ARHGAP24: variants seen among roughly 807,000 people sequenced by gnomAD.
ARHGAP24 encodes rho GTPase-activating protein 24.
Under a neutral mutation model 76.4 loss-of-function variants are expected in ARHGAP24, and 50 were observed. The observed-to-expected ratio is 0.65, with a 90% CI of 0.52 to 0.83. The LOEUF (loss-of-function observed/expected upper bound fraction) is 0.83, where lower values mean the gene tolerates loss of function less well. ARHGAP24 is among the 40% of genes least tolerant of loss of function. The pLI is 0.00. For missense variants in ARHGAP24, 930 were observed against 914.2 expected, an observed-to-expected ratio of 1.02 and a Z score of -0.22; for synonymous variants, 345 against 323.3, an observed-to-expected ratio of 1.07 and a Z score of -0.72.
intron 3 of ARHGAP24, among the ~76,000 whole-genome samples, chr4:85,895,012 A>AAGC (rs1553939775): frequency 9.6e-4 from 32 of 33,394 alleles, no homozygotes; most frequent in Non-Finnish European, 1.7e-3. Flanking sequence ...AAAAAAAAAA[A>AAGC]AAAAAAAAAG....
intron 3 of ARHGAP24, among the ~76,000 whole-genome samples, chr4:85,894,998 AAG>A (rs1734083406): frequency 1.1e-4 from 4 of 37,650 alleles, no homozygotes; most frequent in East Asian, 5.3e-4. Context: ...ACAAAACAAA[AAG>A]CAAAAAAAAA....
intron 1 of ARHGAP24, among the ~76,000 whole-genome samples, chr4:85,509,554 A>G (rs1724197519): frequency 6.6e-6 from 1 of 152,042 alleles, no homozygotes; most frequent in African/African-American, 2.4e-5. Flanking sequence ...GAAAGTTGAA[A>G]TGATACCTAA....
At chr4:85,878,984 T>A (rs13132091) in intron 3 of ARHGAP24, among the ~76,000 whole-genome samples, 13,956 of 152,242 alleles carry the variant, frequency 0.092, 690 homozygotes, top group Middle Eastern at 0.13. Context: ...ACTGAGCAAT[T>A]CAACCAAGTA....
chr4:86,000,444 TCCCCACCCCCCA>T, intron 9 of ARHGAP24, 23 bp from the exon 10 acceptor site: 4 of 616,688 alleles, frequency 6.5e-6, no homozygotes, highest in Non-Finnish European at 8.2e-6. Context: ...TACTCTTGCG[TCCCCACCCCCCA>T]CCCCCCCCAA....
chr4:85,937,709 A>G (rs912265918), intron 4 of ARHGAP24, among the ~76,000 whole-genome samples: 1 of 152,176 alleles, frequency 6.6e-6, no homozygotes, highest in Non-Finnish European at 1.5e-5. Context: ...GGAGTGAGAC[A>G]TGAAGTAATA....
chr4:85,627,259 T>C (rs1014643322), intron 2 of ARHGAP24, among the ~76,000 whole-genome samples: 1 of 152,134 alleles, frequency 6.6e-6, no homozygotes, highest in Non-Finnish European at 1.5e-5. Context: ...TTGGTGTGAA[T>C]GTCCTTTCTT....
At chr4:85,488,197 C>T (rs924204198) in intron 1 of ARHGAP24, among the ~76,000 whole-genome samples, 2 of 151,690 alleles carry the variant, frequency 1.3e-5, no homozygotes, top group East Asian at 1.9e-4. Flanking sequence ...ATATTTTCCA[C>T]GAAAGAAATT....
chr4:85,677,925 A>G (rs781673389), intron 2 of ARHGAP24, among the ~76,000 whole-genome samples: 1 of 152,174 alleles, frequency 6.6e-6, no homozygotes, highest in Non-Finnish European at 1.5e-5. Flanking sequence ...CCGTAGTCCC[A>G]GTTATTGGGA....
chr4:85,994,867 A>G lies in ARHGAP24; in HGVS notation c.1213A>G (p.Asn405Asp). Reference sequence around the variant, plus strand: ...AGGCAGCAAAACCAACAGCCCAAAGAACAGTGTTCACAAGCTAGATGTGTC... The same window carrying G: ...AGGCAGCAAAACCAACAGCCCAAAGGACAGTGTTCACAAGCTAGATGTGTC... ...LSGSKTNSPK[N>D]SVHKLDVSRS... is the part of the protein sequence containing the mutation. Residue 405 changes from asparagine (N) to aspartate (D), a missense_variant, in exon 9 of 10, where the codon AAC (asparagine) becomes GAC (aspartate). Asn to Asp is a conservative substitution (Grantham distance 23, BLOSUM62 1). Transcript: ENST00000395184. The G allele has an allele frequency of 6.2e-6, 10 of 1,614,130 alleles. No individual in the cohort carries two copies. Among genetic ancestry groups the G allele is most frequent in the Non-Finnish European group, 8.5e-6 (10 of 1,180,020 alleles).
At chr4:85,513,970 A>T (rs1403811439) in intron 1 of ARHGAP24, among the ~76,000 whole-genome samples, 1 of 152,174 alleles carries the variant, frequency 6.6e-6, no homozygotes, top group Non-Finnish European at 1.5e-5. Flanking sequence ...CATTACCTGC[A>T]GTTTCTTCTC....
intron 2 of ARHGAP24, among the ~76,000 whole-genome samples, chr4:85,655,661 A>G (rs1476050821): frequency 6.6e-6 from 1 of 151,230 alleles, no homozygotes; most frequent in Non-Finnish European, 1.5e-5. Flanking sequence ...CGTGCCTGCT[A>G]CTCAGAAGGC....
intron 2 of ARHGAP24, among the ~76,000 whole-genome samples, chr4:85,580,884 ATT>A (rs1190256235): frequency 2.0e-5 from 3 of 152,152 alleles, no homozygotes; most frequent in African/African-American, 7.2e-5. Context: ...GTACCTCTTC[ATT>A]TTAGCTTTTA....
chr4:85,676,953 A>G (rs1394769974), intron 2 of ARHGAP24, among the ~76,000 whole-genome samples: 1 of 152,214 alleles, frequency 6.6e-6, no homozygotes, highest in African/African-American at 2.4e-5. Context: ...GAAACAAGCA[A>G]GCAGAGCCAC....
chr4:85,951,517 C>G (rs1213467485), intron 5 of ARHGAP24, among the ~76,000 whole-genome samples: 2 of 152,130 alleles, frequency 1.3e-5, no homozygotes. Flanking sequence ...TTGTACATAT[C>G]TGCCCTCTTC....
chr4:85,676,301 C>T (rs1722977701), intron 2 of ARHGAP24, among the ~76,000 whole-genome samples: 1 of 152,196 alleles, frequency 6.6e-6, no homozygotes, highest in African/African-American at 2.4e-5. Context: ...CAACAAAAAG[C>T]CATATCAAAT....
chr4:85,573,366 A>G (rs924667569), intron 2 of ARHGAP24, among the ~76,000 whole-genome samples: 6 of 152,214 alleles, frequency 3.9e-5, no homozygotes, highest in East Asian at 1.9e-4. Flanking sequence ...ATATTGTTCT[A>G]TGAGTGGCCT....
chr4:85,879,140 A>C (rs937122036), intron 3 of ARHGAP24, among the ~76,000 whole-genome samples: 1 of 152,210 alleles, frequency 6.6e-6, no homozygotes, highest in Admixed American at 6.5e-5. Context: ...ATTAATCCAG[A>C]AAGTGTTTTT....
chr4:85,622,948 G>C, intron 2 of ARHGAP24, among the ~76,000 whole-genome samples: 1 of 151,832 alleles, frequency 6.6e-6, no homozygotes, highest in Non-Finnish European at 1.5e-5. Context: ...GGGGTTGTTT[G>C]TTTTTTTCTT....
intron 3 of ARHGAP24, among the ~76,000 whole-genome samples, chr4:85,909,298 T>TTG (rs1734938458): frequency 8.5e-6 from 1 of 117,454 alleles, no homozygotes; most frequent in African/African-American, 3.3e-5. Flanking sequence ...TTTTCTTTTG[T>TTG]TTTGTTTTTT....
Sources: gnomAD v4.1 joint callset for allele counts (sites outside exome capture counted in the v4.1 genomes callset) on GRCh38, gnomAD v4.1.1 for gene constraint, MANE v1.5 for transcripts, NCBI Gene and HGNC (gene_info 2026-07-23, HGNC 2026-07-21) for gene names.